ATP2C2: variants seen among roughly 807,000 people sequenced by gnomAD.
ATP2C2 encodes calcium-transporting ATPase type 2C member 2.
In ATP2C2, 171 loss-of-function variants were observed where a neutral mutation model predicts 110.8. The ratio of observed to expected loss-of-function variants is 1.54; its 90% confidence interval spans 1.36 to 1.75. ATP2C2 has a LOEUF of 1.75. Ranked by LOEUF, ATP2C2 falls within the 40% of genes most tolerant of loss-of-function variation. The probability of loss-of-function intolerance (pLI) is 0.00; values close to 1 mark genes in which losing one functional copy is unlikely to be tolerated. For missense variants in ATP2C2, 1,963 were observed against 1,235.0 expected, an observed-to-expected ratio of 1.59 and a Z score of -8.84; for synonymous variants, 804 against 508.4, an observed-to-expected ratio of 1.58 and a Z score of -7.82.
chr16:84,400,073 C>G (rs1403223218), intron 2 of ATP2C2, among the ~76,000 whole-genome samples: 1 of 152,134 alleles, frequency 6.6e-6, no homozygotes, highest in African/African-American at 2.4e-5. Context: ...CAGTTCCATC[C>G]ATGTTGTTGC....
chr16:84,428,616 C>T (rs1317502146), intron 11 of ATP2C2, among the ~76,000 whole-genome samples: 1 of 152,028 alleles, frequency 6.6e-6, no homozygotes, highest in Non-Finnish European at 1.5e-5. Context: ...TGATAAAAAT[C>T]CTAAAAGCAA....
rs376103545 is a variant in ATP2C2, at chr16:84,440,832, C to T, written c.1210-25C>T. ...AGCATGTTTTTGACTCTTGGCGAAA[C>T]CCTTTCTTCTGCCTCGCCCTGCAGG... is the stretch of plus-strand genomic sequence containing the variant. On this transcript the variant is annotated intron_variant, in intron 13 of 26. Coordinates refer to ENST00000262429, the MANE Select transcript of ATP2C2 (RefSeq NM_014861.4). 146 of 1,584,128 alleles carry T rather than the reference C, an allele frequency of 9.2e-5. No homozygotes were observed. In the African/African-American group the frequency reaches 1.8e-3, roughly 20 times the overall value.
At position 84,433,901 on chromosome 16, in the gene ATP2C2, C is replaced by T. The variant is rs564002821; in HGVS notation, c.987-5265C>T. Among the ~76,000 whole-genome samples, 5 of 152,304 alleles carry T rather than the reference C, an allele frequency of 3.3e-5. No individual in the cohort carries two copies. In the South Asian group the frequency reaches 8.3e-4, roughly 25 times the overall value. On this transcript the variant is annotated intron_variant, in intron 11 of 26. Coordinates refer to ENST00000262429, the MANE Select transcript of ATP2C2 (RefSeq NM_014861.4). Reference sequence around the variant, plus strand: ...TCTTGTCCTAACCTCCCTTGCAGCACGGGCATCCCGCTTGATCCATGCGAG... The same window carrying T: ...TCTTGTCCTAACCTCCCTTGCAGCATGGGCATCCCGCTTGATCCATGCGAG...
At chr16:84,370,675 C>CTT (rs112540313) in intron 1 of ATP2C2, among the ~76,000 whole-genome samples, 3,294 of 143,754 alleles carry the variant, frequency 0.023, 119 homozygotes, top group African/African-American at 0.075. Flanking sequence ...TTGGAATTGT[C>CTT]TTTTTTTTTT....
intron 2 of ATP2C2, among the ~76,000 whole-genome samples, chr16:84,402,141 G>A (rs1471176200): frequency 6.6e-6 from 1 of 152,002 alleles, no homozygotes; most frequent in East Asian, 1.9e-4. Flanking sequence ...TTAGCATATA[G>A]CAATGCTACT....
intron 7 of ATP2C2, among the ~76,000 whole-genome samples, chr16:84,419,522 C>T (rs1907140499): frequency 6.6e-6 from 1 of 152,198 alleles, no homozygotes; most frequent in Admixed American, 6.5e-5. Flanking sequence ...TCTGTCACCA[C>T]ATCAGAGAAC....
At position 84,405,243 on chromosome 16, in the gene ATP2C2, A is replaced by C. The variant is rs952774589; in HGVS notation, c.326A>C (p.Gln109Pro). ...CCTGTGTGGAAGAAATACCTGGATCAGGTAGGACCAGAGGTGTCATTCTTT... is the reference window on the plus strand; with the variant it reads ...CCTGTGTGGAAGAAATACCTGGATCCGGTAGGACCAGAGGTGTCATTCTTT... ...SEPVWKKYLD[Q>P]FKNPLILLLL... Residue 109 changes from glutamine (Q) to proline (P), a missense_variant and splice_region_variant, in exon 3 of 27, where the codon CAG (glutamine) becomes CCG (proline). Transcript: ENST00000262429. 6.2e-7 allele frequency: 1 copy of C among 1,611,326 alleles called. No individual in the cohort carries two copies. Among genetic ancestry groups the C allele is most frequent in the East Asian group, 2.2e-5 (1 of 44,850 alleles).
chr16:84,429,710 T>C (rs944889246), intron 11 of ATP2C2, among the ~76,000 whole-genome samples: 2 of 151,950 alleles, frequency 1.3e-5, no homozygotes, highest in Non-Finnish European at 1.5e-5. Flanking sequence ...AGAGGGAGCG[T>C]GAAGCTGAGA....
intron 6 of ATP2C2, 133 bp from the exon 7 acceptor site, chr16:84,415,350 C>T (rs963080973): frequency 9.6e-6 from 7 of 729,086 alleles, no homozygotes; most frequent in African/African-American, 1.8e-5. Context: ...AAAATAATAA[C>T]ACCCCAAAGG....
In ATP2C2 at chr16:84,441,828, A is replaced by G. The variant is rs756927050; in HGVS notation, c.1312-682A>G. 7.9e-5 allele frequency among the ~76,000 whole-genome samples: 12 copies of G among 152,288 alleles called. No homozygotes were observed. In the South Asian group the frequency reaches 2.3e-3, roughly 29 times the overall value. ...TCCCAGCTACTCAGGAGCCTGAGAC[A>G]GGAGAATTGCCTTGAACCAGGGAGG... On this transcript the variant is annotated intron_variant, in intron 14 of 26. Coordinates refer to ENST00000262429, the MANE Select transcript of ATP2C2 (RefSeq NM_014861.4).
intron 1 of ATP2C2, among the ~76,000 whole-genome samples, chr16:84,378,047 C>T (rs962818952): frequency 6.6e-6 from 1 of 152,122 alleles, no homozygotes; most frequent in African/African-American, 2.4e-5. Context: ...CAAACAGAGA[C>T]AGGGAAGAGA....
intron 1 of ATP2C2, among the ~76,000 whole-genome samples, chr16:84,385,302 C>T (rs562317975): frequency 6.6e-6 from 1 of 152,268 alleles, no homozygotes; most frequent in Admixed American, 6.5e-5. Context: ...CGAGAACTCA[C>T]ATTCGCGAGG....
chr16:84,421,343 C>A (rs1008212876), intron 7 of ATP2C2, among the ~76,000 whole-genome samples: 1 of 152,224 alleles, frequency 6.6e-6, no homozygotes, highest in Non-Finnish European at 1.5e-5. Flanking sequence ...GGGTGACAGG[C>A]GGCCACTGTC....
At chr16:84,443,220 G>C (rs1028988046) in intron 15 of ATP2C2, among the ~76,000 whole-genome samples, 3 of 152,226 alleles carry the variant, frequency 2.0e-5, no homozygotes, top group African/African-American at 7.2e-5. Flanking sequence ...AAAGGACATG[G>C]GAAAGGAGGG....
chr16:84,384,067 G>T (rs1904292615), intron 1 of ATP2C2, among the ~76,000 whole-genome samples: 2 of 152,180 alleles, frequency 1.3e-5, no homozygotes, highest in Admixed American at 6.5e-5. Context: ...GGGATTATAG[G>T]TGTCAGCCAC....
chr16:84,440,762 C>A (rs1422594963), intron 13 of ATP2C2, 95 bp from the exon 14 acceptor site: 1 of 889,380 alleles, frequency 1.1e-6, no homozygotes, highest in Non-Finnish European at 1.8e-6. Context: ...AGGATTGTGT[C>A]CCTGGAATGG....
rs1366432496 is a variant in ATP2C2, at chr16:84,452,098, G to A, written c.1831+7G>A. Reference sequence around the variant, plus strand: ...GAGACGGCCTTGGCCATAGGTAACTGGGACAGGGTCGGGGGTGAGGACGAA... The same window carrying A: ...GAGACGGCCTTGGCCATAGGTAACTAGGACAGGGTCGGGGGTGAGGACGAA... On this transcript the variant is annotated splice_region_variant and intron_variant, in intron 18 of 26. Coordinates refer to ENST00000262429, the MANE Select transcript of ATP2C2 (RefSeq NM_014861.4). 6.2e-7 allele frequency: 1 copy of A among 1,613,990 alleles called. No individual in the cohort carries two copies. Among genetic ancestry groups the A allele is most frequent in the Admixed American group, 1.7e-5 (1 of 60,014 alleles).
chr16:84,461,268 A>C (rs1911307327), intron 24 of ATP2C2: 1 of 281,710 alleles, frequency 3.5e-6, no homozygotes, highest in Non-Finnish European at 6.7e-6. Context: ...CAGGTGACCC[A>C]TGTGACCACA....
At chr16:84,449,735 C>T (rs1428718250) in intron 17 of ATP2C2, among the ~76,000 whole-genome samples, 1 of 152,232 alleles carries the variant, frequency 6.6e-6, no homozygotes, top group Non-Finnish European at 1.5e-5. Flanking sequence ...GGGAGACAAT[C>T]TGGCACGTGG....
Sources: allele counts gnomAD v4.1 joint callset (sites outside exome capture counted in the v4.1 genomes callset), GRCh38; gene constraint gnomAD v4.1.1; transcripts MANE v1.5; gene names NCBI Gene and HGNC (gene_info 2026-07-23, HGNC 2026-07-21).